Variants in DIAPH2 observed in about 807,000 individuals in gnomAD.
DIAPH2 encodes protein diaphanous homolog 2.
A neutral mutation model predicts 92.7 loss-of-function variants in DIAPH2; 35 were observed. The observed-to-expected ratio is 0.38, with a 90% CI of 0.29 to 0.50. The LOEUF (loss-of-function observed/expected upper bound fraction) is 0.50, where lower values mean the gene tolerates loss of function less well. DIAPH2 is among the 20% of genes least tolerant of loss of function. The pLI is 0.94. For synonymous variants in DIAPH2, 301 were observed against 280.4 expected (o/e 1.07, Z -0.73); for missense variants, 701 against 819.5 (o/e 0.86, Z 1.77).
intron 26 of DIAPH2, among the ~76,000 whole-genome samples, chrX:97,453,455 A>C (rs1456594779): frequency 9.0e-6 from 1 of 111,017 alleles, no homozygotes; most frequent in Non-Finnish European, 1.9e-5. Context: ...AAGCATGATT[A>C]ACTTGGGTCA....
At chrX:97,440,679 A>G (rs1354918479) in intron 26 of DIAPH2, among the ~76,000 whole-genome samples, 1 of 109,991 alleles carries the variant, frequency 9.1e-6, no homozygotes, top group African/African-American at 3.3e-5. Flanking sequence ...TTGTGGTATC[A>G]CAGGGGCCAA....
chrX:97,095,119 T>C (rs1409858166), intron 19 of DIAPH2, among the ~76,000 whole-genome samples: 1 of 65,221 alleles, frequency 1.5e-5, no homozygotes, highest in Admixed American at 2.0e-4. Context: ...TTTTTTTTTT[T>C]TTTTTTTTTT....
rs189904394 is a variant in DIAPH2 at position 97,305,548 on chromosome X, G to A, written c.2845-42568G>A. ...AATAACAACAAAATTGGCTAGGCGC[G>A]GTGGCTCATGCCTGTAATCCCAGCA... On this transcript the variant is annotated intron_variant, in intron 23 of 26. Coordinates refer to ENST00000324765, the MANE Select transcript of DIAPH2 (RefSeq NM_006729.5). Among the ~76,000 whole-genome samples the A allele has an allele frequency of 4.9e-3, 533 of 109,167 alleles. 7 individuals are homozygous for A. Among genetic ancestry groups the A allele is most frequent in the African/African-American group, 0.017 (499 of 30,006 alleles). The allele number at this position is 109,167 out of a possible 115,157, so 94.8% of individuals were successfully genotyped here. A position where few individuals can be genotyped will look rare whatever the true frequency, so the allele number is the denominator to read the frequency against.
At chrX:96,856,759 G>A (rs1462180811) in intron 4 of DIAPH2, among the ~76,000 whole-genome samples, 4 of 110,567 alleles carry the variant, frequency 3.6e-5, no homozygotes, top group African/African-American at 6.6e-5. Flanking sequence ...GGTCTTGGCC[G>A]GGCGCAATGG....
chrX:97,237,378 C>CT (rs778342171), intron 22 of DIAPH2, among the ~76,000 whole-genome samples: 1,471 of 101,156 alleles, frequency 0.015, 25 homozygotes, highest in African/African-American at 0.047. Flanking sequence ...TCCTGACAAG[C>CT]TTTTTTTTTT....
intron 5 of DIAPH2, among the ~76,000 whole-genome samples, chrX:96,911,770 C>G (rs917760096): frequency 9.0e-6 from 1 of 111,538 alleles, no homozygotes; most frequent in Non-Finnish European, 1.9e-5. Context: ...CACTGTCTCC[C>G]TATCTCTAGA....
chrX:97,517,094 A>G (rs1414030869), intron 26 of DIAPH2, among the ~76,000 whole-genome samples: 1 of 111,840 alleles, frequency 8.9e-6, no homozygotes, highest in Admixed American at 9.5e-5. Context: ...GTCCATAGTG[A>G]TGGACCTCAC....
At chrX:96,872,842 T>C (rs1382341763) in intron 4 of DIAPH2, among the ~76,000 whole-genome samples, 1 of 111,558 alleles carries the variant, frequency 9.0e-6, no homozygotes, top group African/African-American at 3.3e-5. Flanking sequence ...GATACTTAGG[T>C]TGCTTCCAAA....
chrX:97,350,912 T>C (rs944784604), intron 24 of DIAPH2, among the ~76,000 whole-genome samples: 2 of 112,518 alleles, frequency 1.8e-5, no homozygotes, highest in African/African-American at 6.5e-5. Context: ...TTGATATTCT[T>C]ATGTCCAGTT....
chrX:97,014,477 TTCC>T (rs1305903381), intron 17 of DIAPH2, among the ~76,000 whole-genome samples: 6 of 112,477 alleles, frequency 5.3e-5, no homozygotes, highest in African/African-American at 1.9e-4. Context: ...TTTTCCACTC[TTCC>T]TCATGAAACA....
At chrX:97,106,751 G>A (rs183547550) in intron 20 of DIAPH2, among the ~76,000 whole-genome samples, 1 of 110,443 alleles carries the variant, frequency 9.1e-6, no homozygotes, top group Admixed American at 9.6e-5. Context: ...TACCAACATG[G>A]TGAAGCCCCG....
At chrX:96,899,885 G>A (rs1349570614) in intron 5 of DIAPH2, among the ~76,000 whole-genome samples, 1 of 110,974 alleles carries the variant, frequency 9.0e-6, no homozygotes, top group Non-Finnish European at 1.9e-5. Flanking sequence ...AGCTCTTATT[G>A]TTTTGAGATA....
rs397966972 is a variant in DIAPH2 at position 97,015,787 on chromosome X, G to GAAAAAAAA, written c.2050+50592_2050+50599dup. ...TGGGCGACAGAGCGAGACGCCATCT[G>GAAAAAAAA]AAAAAAAAAAAAAAAAAAAGCCTCA... On this transcript the variant is annotated intron_variant, in intron 17 of 26. Transcript: ENST00000324765. 8.9e-5 allele frequency among the ~76,000 whole-genome samples: 3 copies of GAAAAAAAA among 33,616 alleles called. 1 individual carries two copies. Among genetic ancestry groups the GAAAAAAAA allele is most frequent in the African/African-American group, 2.2e-4 (2 of 8,974 alleles). 29.2% of individuals were successfully genotyped at this position (33,616 alleles called of 115,157 possible).
At chrX:97,440,307 A>C (rs747011882) in intron 26 of DIAPH2, among the ~76,000 whole-genome samples, 1 of 111,651 alleles carries the variant, frequency 9.0e-6, no homozygotes, top group South Asian at 3.8e-4. Flanking sequence ...GAAAGACAGC[A>C]TGGGCCAGGC....
intron 4 of DIAPH2, among the ~76,000 whole-genome samples, chrX:96,775,082 A>G (rs951945695): frequency 9.0e-6 from 1 of 110,695 alleles, no homozygotes; most frequent in Non-Finnish European, 1.9e-5. Flanking sequence ...AATTTCTTCT[A>G]TTGTAATTTA....
intron 23 of DIAPH2, among the ~76,000 whole-genome samples, chrX:97,310,732 G>T (rs1291798778): frequency 1.8e-5 from 2 of 111,709 alleles, no homozygotes; most frequent in African/African-American, 6.5e-5. Flanking sequence ...TGCCGGGTGT[G>T]GTGGGGTGGC....
intron 4 of DIAPH2, among the ~76,000 whole-genome samples, chrX:96,786,949 A>C (rs2064460911): frequency 8.9e-6 from 1 of 111,884 alleles, no homozygotes; most frequent in African/African-American, 3.2e-5. Context: ...TGTAAACCTT[A>C]TTGCTTGCTT....
chrX:97,263,707 C>G (rs1270380465), intron 23 of DIAPH2, among the ~76,000 whole-genome samples: 2 of 108,880 alleles, frequency 1.8e-5, no homozygotes, highest in East Asian at 5.7e-4. Flanking sequence ...CTGCCTCAGC[C>G]TCCTGTGTAG....
At chrX:96,952,502 G>A (rs746522889) in intron 15 of DIAPH2, among the ~76,000 whole-genome samples, 16 of 111,287 alleles carry the variant, frequency 1.4e-4, no homozygotes, top group Middle Eastern at 4.7e-3. Flanking sequence ...TTGGGAGGCC[G>A]AGGCGGGCAG....
Sources: gnomAD v4.1 joint callset for allele counts (sites outside exome capture counted in the v4.1 genomes callset) on GRCh38, gnomAD v4.1.1 for gene constraint, MANE v1.5 for transcripts, NCBI Gene and HGNC (gene_info 2026-07-23, HGNC 2026-07-21) for gene names.